SLC35E3: variants seen among roughly 807,000 people sequenced by gnomAD.
SLC35E3 encodes solute carrier family 35 member E3.
Under a neutral mutation model 30.8 loss-of-function variants are expected in SLC35E3, and 28 were observed. The observed-to-expected ratio is 0.91, with a 90% CI of 0.67 to 1.25. SLC35E3 has a LOEUF of 1.25. Ranked by LOEUF, SLC35E3 falls within the 50% of genes most tolerant of loss-of-function variation. The probability of loss-of-function intolerance (pLI) is 0.00; values close to 1 mark genes in which losing one functional copy is unlikely to be tolerated. For missense variants in SLC35E3, 365 were observed against 375.4 expected, an observed-to-expected ratio of 0.97 and a Z score of 0.23; for synonymous variants, 146 against 149.2, an observed-to-expected ratio of 0.98 and a Z score of 0.16.
At position 68,781,056 on chromosome 12, in the gene SLC35E3, T is replaced by TG. The variant is rs1220375753; in HGVS notation, c.*16167dup. 1 of 142,174 alleles carries TG rather than the reference T, an allele frequency of 7.0e-6. No individual in the cohort carries two copies. Among genetic ancestry groups the TG allele is most frequent in the Non-Finnish European group, 1.5e-5 (1 of 67,968 alleles). The allele number at this position is 142,174 out of a possible 1,614,324, so 8.8% of individuals were successfully genotyped here. ...GGGAAAAGTGGGAAAGTCTTGTTTA[T>TG]GCTGTGGCTGATGTGGATGTCTTTG... On this transcript the variant is annotated 3_prime_UTR_variant, in exon 5 of 5. Coordinates refer to ENST00000398004, the MANE Select transcript of SLC35E3 (RefSeq NM_018656.5).
chr12:68,774,174 CA>C lies in SLC35E3; in HGVS notation c.*9285del, dbSNP rs907875346. 6.6e-6 allele frequency: 1 copy of C among 152,304 alleles called. No homozygotes were observed. The highest frequency in any genetic ancestry group is 1.5e-5 in the Non-Finnish European group (1 of 68,130). 9.4% of individuals were successfully genotyped at this position (152,304 alleles called of 1,614,324 possible). ...GGTGAGCCGACCAGGCACAGTGGCA[CA>C]CCTGTAACCCCAGCACTTTGGGAGG... is the stretch of plus-strand genomic sequence containing the variant. On this transcript the variant is annotated 3_prime_UTR_variant, in exon 5 of 5. Transcript: ENST00000398004.
At position 68,768,409 on chromosome 12, in the gene SLC35E3, A is replaced by C. The variant is rs1320150496; in HGVS notation, c.*3519A>C. The C allele has an allele frequency of 6.6e-6, 1 of 152,182 alleles. No homozygotes were observed. The highest frequency in any genetic ancestry group is 2.4e-5 in the African/African-American group (1 of 41,460). The allele number at this position is 152,182 out of a possible 1,614,324, so 9.4% of individuals were successfully genotyped here. ...TTGGAGTAAGACAGGATGGGGTTAC[A>C]TGTATATAAATGAATAAAATAAGTA... is the stretch of plus-strand genomic sequence containing the variant. On this transcript the variant is annotated 3_prime_UTR_variant, in exon 5 of 5. Coordinates refer to ENST00000398004, the MANE Select transcript of SLC35E3 (RefSeq NM_018656.5).
intron 2 of SLC35E3, among the ~76,000 whole-genome samples, chr12:68,751,486 G>C (rs1878793438): frequency 6.6e-6 from 1 of 152,048 alleles, no homozygotes; most frequent in South Asian, 2.1e-4. Context: ...TAGAGATAGG[G>C]TTTCACCATG....
At chr12:68,758,728 T>C (rs1245804499) in intron 3 of SLC35E3, among the ~76,000 whole-genome samples, 2 of 115,996 alleles carry the variant, frequency 1.7e-5, no homozygotes, top group African/African-American at 6.3e-5. Flanking sequence ...AAATTCTCTT[T>C]CTTTTTTTTT....
Position 68,770,549 on chromosome 12 carries a change from T to G in SLC35E3, c.*5659T>G, listed in dbSNP as rs1879576053. On this transcript the variant is annotated 3_prime_UTR_variant, in exon 5 of 5. Transcript: ENST00000398004. ...GAAGGGGTGAAGTTAAGGATCACAC[T>G]TCAGCTGGGCACAGTGGCTCATGCC... The G allele has an allele frequency of 6.6e-6, 1 of 152,474 alleles. No individual in the cohort carries two copies. The highest frequency in any genetic ancestry group is 2.1e-4 in the South Asian group (1 of 4,824). 9.4% of individuals were successfully genotyped at this position (152,474 alleles called of 1,614,324 possible).
At chr12:68,761,164 G>T (rs558670934) in intron 4 of SLC35E3, among the ~76,000 whole-genome samples, 13 of 152,296 alleles carry the variant, frequency 8.5e-5, no homozygotes, top group East Asian at 3.9e-4. Flanking sequence ...ATTGAGTAGG[G>T]CGTTTATGTA....
At chr12:68,764,586 T>C in intron 4 of SLC35E3, 118 bp from the exon 5 acceptor site, 1 of 853,956 alleles carries the variant, frequency 1.2e-6, no homozygotes, top group Non-Finnish European at 1.8e-6. Flanking sequence ...CCACGCCTGG[T>C]CCCATTGTTC....
Position 68,764,746 on chromosome 12 carries a change from C to A in SLC35E3, c.798C>A (p.Phe266Leu). Residue 266 changes from phenylalanine to leucine, a missense_variant, in exon 5 of 5, where the codon TTC becomes TTA. Phe to Leu is a conservative substitution (Grantham distance 22, BLOSUM62 0). Coordinates refer to ENST00000398004, the MANE Select transcript of SLC35E3 (RefSeq NM_018656.5). Reference sequence around the variant, plus strand: ...ACTTCAAGTTCTGCATTACTTTATTCGGAGGATATGTTTTATTTAAGGATC... The same window carrying A: ...ACTTCAAGTTCTGCATTACTTTATTAGGAGGATATGTTTTATTTAAGGATC... ...FGHFKFCITL[F>L]GGYVLFKDPL... The A allele has an allele frequency of 6.2e-7, 1 of 1,613,992 alleles. No individual in the cohort carries two copies. The highest frequency in any genetic ancestry group is 8.5e-7 in the Non-Finnish European group (1 of 1,179,998).
rs747637628 is a variant in SLC35E3 at position 68,764,769 on chromosome 12, A to G, written c.821A>G (p.Asp274Gly). 1.9e-6 allele frequency: 3 copies of G among 1,614,116 alleles called. No homozygotes were observed. Among genetic ancestry groups the G allele is most frequent in the Non-Finnish European group, 2.5e-6 (3 of 1,180,026 alleles). ...TTCGGAGGATATGTTTTATTTAAGG[A>G]TCCACTGTCCATTAATCAGGCCCTT... ...TLFGGYVLFK[D>G]PLSINQALGI... is the part of the protein sequence containing the mutation. Residue 274 changes from aspartate (D) to glycine (G), a missense_variant, in exon 5 of 5, where the codon GAT (aspartate) becomes GGT (glycine). Asp to Gly is a moderately conservative substitution (Grantham distance 94). Coordinates refer to ENST00000398004, the MANE Select transcript of SLC35E3 (RefSeq NM_018656.5).
At position 68,779,892 on chromosome 12, in the gene SLC35E3, G is replaced by A. The variant is rs1198256506; in HGVS notation, c.*15002G>A. 6.6e-6 allele frequency: 1 copy of A among 152,094 alleles called. No individual in the cohort carries two copies. Among genetic ancestry groups the A allele is most frequent in the East Asian group, 1.9e-4 (1 of 5,172 alleles). The allele number at this position is 152,094 out of a possible 1,614,324, so 9.4% of individuals were successfully genotyped here. ...TTTGAGGTTATAGTGAGCCATGACT[G>A]TGCCACTGCACTCCAGCCTGGGCAA... On this transcript the variant is annotated 3_prime_UTR_variant, in exon 5 of 5. Transcript: ENST00000398004.
chr12:68,762,264 A>G (rs1003479346), intron 4 of SLC35E3, among the ~76,000 whole-genome samples: 3 of 152,134 alleles, frequency 2.0e-5, no homozygotes, highest in African/African-American at 4.8e-5. Flanking sequence ...AGTAGAAGAA[A>G]ATAAGTCCAA....
rs1235520512 is a variant in SLC35E3 at position 68,769,543 on chromosome 12, C to T, written c.*4653C>T. ...GCGTGGTGGTGGATGCCTGTAATCC[C>T]AGCTACTTGGGAGGCTGAGGCTGGA... On this transcript the variant is annotated 3_prime_UTR_variant, in exon 5 of 5. Coordinates refer to ENST00000398004, the MANE Select transcript of SLC35E3 (RefSeq NM_018656.5). 2.6e-5 allele frequency: 4 copies of T among 151,964 alleles called. No homozygotes were observed. The highest frequency in any genetic ancestry group is 7.3e-5 in the African/African-American group (3 of 41,364). 9.4% of individuals were successfully genotyped at this position (151,964 alleles called of 1,614,324 possible).
chr12:68,746,723 G>T lies in SLC35E3; in HGVS notation c.346G>T (p.Ala116Ser), dbSNP rs1298591917. 6 of 1,613,000 alleles carry T rather than the reference G, an allele frequency of 3.7e-6. No individual in the cohort carries two copies. Among genetic ancestry groups the T allele is most frequent in the African/African-American group, 1.3e-5 (1 of 74,886 alleles). The stretch of plus-strand genomic sequence containing the variant: ...GGCCATGACCACGCCGGTGATCATA[G>T]CCATCCAGACCTTCTGCTACCAGAA... ...AKAMTTPVII[A>S]IQTFCYQKTF... The change falls in exon 1 of 5, where the codon GCC becomes TCC. Residue 116 changes from alanine to serine, a missense_variant. Coordinates refer to ENST00000398004, the MANE Select transcript of SLC35E3 (RefSeq NM_018656.5).
intron 2 of SLC35E3, among the ~76,000 whole-genome samples, chr12:68,751,744 T>C (rs972428253): frequency 6.6e-6 from 1 of 152,198 alleles, no homozygotes; most frequent in South Asian, 2.1e-4. Context: ...TATTTTTCCC[T>C]ATTTACTAGG....
chr12:68,765,385 C>T lies in SLC35E3; in HGVS notation c.*495C>T, dbSNP rs571781946. 2.0e-5 allele frequency: 3 copies of T among 151,762 alleles called. No homozygotes were observed. Among genetic ancestry groups the T allele is most frequent in the Admixed American group, 2.0e-4 (3 of 15,186 alleles). 9.4% of individuals were successfully genotyped at this position (151,762 alleles called of 1,614,324 possible). Reference sequence around the variant, plus strand: ...TTAAAAAAACTTAATTCTCTAAAACCGAAATGGTTCATGCTTCTTTTTAAA... The same window carrying T: ...TTAAAAAAACTTAATTCTCTAAAACTGAAATGGTTCATGCTTCTTTTTAAA... On this transcript the variant is annotated 3_prime_UTR_variant, in exon 5 of 5. Transcript: ENST00000398004.
At chr12:68,761,935 G>T (rs1220352079) in intron 4 of SLC35E3, among the ~76,000 whole-genome samples, 1 of 152,076 alleles carries the variant, frequency 6.6e-6, no homozygotes, top group Non-Finnish European at 1.5e-5. Flanking sequence ...TGGGGAGGAA[G>T]ATAAGGTGCT....
At chr12:68,746,919 G>A (rs989481281) in intron 1 of SLC35E3, 140 bp downstream of exon 1, 8 of 964,618 alleles carry the variant, frequency 8.3e-6, no homozygotes, top group Admixed American at 6.0e-5. Context: ...GAACTTTTAG[G>A]CTTATTTTAG....
chr12:68,747,029 GA>G (rs957734534), intron 1 of SLC35E3, among the ~76,000 whole-genome samples: 4 of 152,096 alleles, frequency 2.6e-5, no homozygotes, highest in African/African-American at 9.7e-5. Flanking sequence ...TGATCGATAA[GA>G]AAAAAAGCTG....
At chr12:68,763,083 G>A (rs955924225) in intron 4 of SLC35E3, among the ~76,000 whole-genome samples, 2 of 152,254 alleles carry the variant, frequency 1.3e-5, no homozygotes, top group African/African-American at 2.4e-5. Flanking sequence ...CAAGCACCAA[G>A]CAGGTGTTTA....
Sources: allele counts gnomAD v4.1 joint callset (sites outside exome capture counted in the v4.1 genomes callset), GRCh38; gene constraint gnomAD v4.1.1; transcripts MANE v1.5; gene names NCBI Gene and HGNC (gene_info 2026-07-23, HGNC 2026-07-21).